GMDS: variants seen among roughly 807,000 people sequenced by gnomAD.
GMDS encodes GDP-mannose 4,6-dehydratase.
Under a neutral mutation model 49.9 loss-of-function variants are expected in GMDS, and 20 were observed. That is an observed-to-expected ratio of 0.40 (90% CI 0.28 to 0.58). The LOEUF is 0.58. Among genes scored for constraint, GMDS ranks in the 20% least tolerant of loss-of-function variants. The probability of loss-of-function intolerance (pLI) is 0.42; values close to 1 mark genes in which losing one functional copy is unlikely to be tolerated. For synonymous variants in GMDS, 177 were observed against 178.6 expected (o/e 0.99, Z 0.07); for missense variants, 362 against 481.4 (o/e 0.75, Z 2.32).
intron 7 of GMDS, among the ~76,000 whole-genome samples, chr6:1,787,083 G>A (rs1021784183): frequency 2.6e-5 from 4 of 152,132 alleles, no homozygotes; most frequent in African/African-American, 4.8e-5. Flanking sequence ...TAATAAAAGC[G>A]AAAGGCTAAT....
At chr6:1,798,155 T>C (rs1289888815) in intron 7 of GMDS, among the ~76,000 whole-genome samples, 3 of 152,132 alleles carry the variant, frequency 2.0e-5, no homozygotes, top group African/African-American at 4.8e-5. Flanking sequence ...TCCAAAGTTC[T>C]AGAAATTTCA....
chr6:1,832,170 C>T (rs368349393), intron 7 of GMDS, among the ~76,000 whole-genome samples: 17 of 151,008 alleles, frequency 1.1e-4, no homozygotes, highest in East Asian at 4.1e-4. Context: ...AGGCTGGTCT[C>T]GAAGTTGTTC....
intron 1 of GMDS, among the ~76,000 whole-genome samples, chr6:2,148,239 A>C (rs1776672441): frequency 6.6e-6 from 1 of 152,186 alleles, no homozygotes; most frequent in Non-Finnish European, 1.5e-5. Context: ...TGCTGGTATG[A>C]CTAAGCCAAG....
chr6:1,624,260 G>A, intron 10 of GMDS, 29 bp from the exon 11 acceptor site: 1 of 1,601,114 alleles, frequency 6.2e-7, no homozygotes, highest in Non-Finnish European at 8.5e-7. Context: ...CGTGAGGGAG[G>A]AGCTTCTGCC....
chr6:1,666,233 C>CA (rs1424370004), intron 9 of GMDS, among the ~76,000 whole-genome samples: 2 of 152,208 alleles, frequency 1.3e-5, no homozygotes, highest in African/African-American at 4.8e-5. Flanking sequence ...GGGAGTCCTG[C>CA]TCTGCCCAGC....
chr6:2,071,859 T>G (rs59609802), intron 4 of GMDS, among the ~76,000 whole-genome samples: 4,470 of 152,312 alleles, frequency 0.029, 137 homozygotes, highest in South Asian at 0.12. Context: ...TGTTTCTTAC[T>G]TTGAATGTGA....
At chr6:2,000,297 A>G (rs1178720822) in intron 4 of GMDS, among the ~76,000 whole-genome samples, 6 of 150,874 alleles carry the variant, frequency 4.0e-5, no homozygotes, top group Non-Finnish European at 4.4e-5. Context: ...GGCCTCCCAA[A>G]ATGCTGGGAT....
chr6:2,050,681 C>T (rs187222323), intron 4 of GMDS, among the ~76,000 whole-genome samples: 163 of 152,306 alleles, frequency 1.1e-3, no homozygotes, highest in Non-Finnish European at 1.9e-3. Flanking sequence ...TTATCCACCA[C>T]AATCAAGTCG....
chr6:2,231,099 T>C (rs1781086593), intron 1 of GMDS, among the ~76,000 whole-genome samples: 1 of 151,870 alleles, frequency 6.6e-6, no homozygotes, highest in South Asian at 2.1e-4. Context: ...AAAACTTGAT[T>C]TCAGTTTCAA....
chr6:1,966,387 C>A (rs200577554), intron 4 of GMDS, among the ~76,000 whole-genome samples: 2 of 133,838 alleles, frequency 1.5e-5, no homozygotes, highest in African/African-American at 5.6e-5. Flanking sequence ...AAAAAAAAAA[C>A]CAAGCCTACA....
chr6:2,035,531 T>G (rs1480771474), intron 4 of GMDS, among the ~76,000 whole-genome samples: 4 of 152,152 alleles, frequency 2.6e-5, no homozygotes, highest in African/African-American at 9.7e-5. Context: ...TTCATTTCTG[T>G]ATCCCCCATC....
intron 7 of GMDS, among the ~76,000 whole-genome samples, chr6:1,844,761 T>C (rs1757310650): frequency 6.6e-6 from 1 of 152,232 alleles, no homozygotes; most frequent in South Asian, 2.1e-4. Flanking sequence ...CATTAACAGA[T>C]GAAAGTGCAT....
chr6:1,742,356 T>C (rs1767307276), intron 8 of GMDS, 112 bp downstream of exon 8: 1 of 666,212 alleles, frequency 1.5e-6, no homozygotes, highest in Admixed American at 2.2e-5. Context: ...ACTTTCTGTA[T>C]TGCTCTTCAG....
intron 9 of GMDS, among the ~76,000 whole-genome samples, chr6:1,677,894 A>T (rs772200427): frequency 1.3e-5 from 2 of 152,104 alleles, no homozygotes; most frequent in Non-Finnish European, 2.9e-5. Context: ...ATGTCTACAT[A>T]TGTAACAAAC....
chr6:1,845,188 T>G (rs1687773535), intron 7 of GMDS, among the ~76,000 whole-genome samples: 1 of 152,252 alleles, frequency 6.6e-6, no homozygotes, highest in African/African-American at 2.4e-5. Flanking sequence ...AATGTCATCA[T>G]CTGACTCTCT....
At chr6:1,875,071 T>G (rs1758964978) in intron 7 of GMDS, among the ~76,000 whole-genome samples, 1 of 152,204 alleles carries the variant, frequency 6.6e-6, no homozygotes, top group Non-Finnish European at 1.5e-5. Flanking sequence ...TTTCTTCTCA[T>G]TTGGAAAACA....
intron 4 of GMDS, among the ~76,000 whole-genome samples, chr6:2,089,063 A>G (rs1258245683): frequency 6.6e-6 from 1 of 152,250 alleles, no homozygotes; most frequent in Non-Finnish European, 1.5e-5. Context: ...AACAAAACAA[A>G]AAAAACTAAT....
At chr6:2,176,207 TATTA>T (rs1778276995) in intron 1 of GMDS, among the ~76,000 whole-genome samples, 1 of 152,194 alleles carries the variant, frequency 6.6e-6, no homozygotes, top group Non-Finnish European at 1.5e-5. Flanking sequence ...TCACTATATT[TATTA>T]ATTATATATT....
At chr6:2,241,416 T>A (rs559315000) in intron 1 of GMDS, among the ~76,000 whole-genome samples, 1 of 152,204 alleles carries the variant, frequency 6.6e-6, no homozygotes, top group Non-Finnish European at 1.5e-5. Flanking sequence ...GTATTTTGCA[T>A]GTGAGAAGGA....
Sources: gnomAD v4.1 joint callset for allele counts (sites outside exome capture counted in the v4.1 genomes callset) on GRCh38, gnomAD v4.1.1 for gene constraint, MANE v1.5 for transcripts, NCBI Gene and HGNC (gene_info 2026-07-23, HGNC 2026-07-21) for gene names.